VCP: variants seen among roughly 807,000 people sequenced by gnomAD.
VCP encodes valosin containing protein.
Under a neutral mutation model 85.7 loss-of-function variants are expected in VCP, and 6 were observed. That is an observed-to-expected ratio of 0.07 (90% CI 0.04 to 0.14). The LOEUF (loss-of-function observed/expected upper bound fraction) is 0.14, where lower values mean the gene tolerates loss of function less well. Ranked by LOEUF, VCP falls within the 10% of genes least tolerant of loss-of-function variation. VCP has a pLI of 1.00. For synonymous variants in VCP, 384 were observed against 367.1 expected, an observed-to-expected ratio of 1.05 and a Z score of -0.53; for missense variants, 353 against 1,043.4, an observed-to-expected ratio of 0.34 and a Z score of 9.12.
Position 35,058,677 on chromosome 9 carries a change from G to A in VCP, c.2160+387C>T, listed in dbSNP as rs549833961. On this transcript the variant is annotated intron_variant, in intron 15 of 16. Coordinates refer to ENST00000358901, the MANE Select transcript of VCP (RefSeq NM_007126.5). ...AGCTACTCGGGAGGCTGAGGCAGGA[G>A]AATCGCTTGAACCTGGGAGGCAGAA... 2.4e-3 allele frequency among the ~76,000 whole-genome samples: 365 copies of A among 152,298 alleles called. 2 individuals are homozygous for A. The highest frequency in any genetic ancestry group is 0.017 in the Middle Eastern group (5 of 294).
Position 35,068,105 on chromosome 9 carries a change from G to A in VCP, c.130-42C>T, listed in dbSNP as rs183916253. The A allele has an allele frequency of 2.3e-3, 3,742 of 1,613,674 alleles. 6 individuals carry two copies. Among genetic ancestry groups the A allele is most frequent in the Admixed American group, 2.9e-3 (173 of 60,018 alleles). On this transcript the variant is annotated intron_variant, in intron 2 of 16. Transcript: ENST00000358901. ...AAGGCCTTTGGGTCATTGGGCTGAC[G>A]GGGAGTAAGCAGCAGCCCTGGAGAT...
Position 35,059,844 on chromosome 9 carries a change from T to C in VCP, c.1696-43A>G. ...TGATTCAAGCACTAACAAAACTAGA[T>C]GTCTCTAGGCAAACGTGGTGGCTCA... On this transcript the variant is annotated intron_variant, in intron 13 of 16. Coordinates refer to ENST00000358901, the MANE Select transcript of VCP (RefSeq NM_007126.5). This position sits in a 1 kb window ranked among gnomAD's most constrained non-coding sequence, Gnocchi z 4.9. The C allele has an allele frequency of 6.2e-7, 1 of 1,613,350 alleles. No homozygotes were observed. The highest frequency in any genetic ancestry group is 2.2e-5 in the East Asian group (1 of 44,868).
chr9:35,070,603 C>T (rs976660948), intron 1 of VCP, among the ~76,000 whole-genome samples: 49 of 152,176 alleles, frequency 3.2e-4, no homozygotes, highest in African/African-American at 1.1e-3. Flanking sequence ...TGCCTGGCTA[C>T]TTTTTGCATT....
At chr9:35,062,779 G>A (rs886497815) in intron 7 of VCP, among the ~76,000 whole-genome samples, 199 bp downstream of exon 7, 2 of 152,124 alleles carry the variant, frequency 1.3e-5, no homozygotes, top group South Asian at 2.1e-4. Flanking sequence ...CTTTCTCAAA[G>A]GGGGCAGGAC....
At position 35,059,259 on chromosome 9, in the gene VCP, C is replaced by T. The variant is rs181936358; in HGVS notation, c.2005-40G>A. 6.8e-6 allele frequency: 11 copies of T among 1,613,156 alleles called. No homozygotes were observed. In the Admixed American group the frequency reaches 1.8e-4, roughly 27 times the overall value. ...AGAGGTACCTTAGCATTTAGCCTCT[C>T]CTCTCGAGATACGCAGATCTTTGGG... On this transcript the variant is annotated intron_variant, in intron 14 of 16. Coordinates refer to ENST00000358901, the MANE Select transcript of VCP (RefSeq NM_007126.5). The surrounding 1 kb of genome is among the most constrained non-coding windows in gnomAD (Gnocchi z 4.9).
chr9:35,065,442 T>C, intron 4 of VCP, 61 bp from the exon 5 acceptor site: 1 of 1,610,354 alleles, frequency 6.2e-7, no homozygotes, highest in South Asian at 1.1e-5. Context: ...AAGTGAGAAC[T>C]CATCAGACCC....
At position 35,057,387 on chromosome 9, in the gene VCP, A is replaced by G; in HGVS notation, c.2304T>C (p.Phe768=). The part of the protein sequence containing the change: ...FAQTLQQSRG[F]GSFRFPSGNQ... ...CCCAACCAACTTACCTGAAGCTGCC[A>G]AAGCCCCGACTCTGCTGAAGGGTCT... Residue 768 remains phenylalanine, a synonymous_variant, in exon 16 of 17, where the codon TTT becomes TTC. Transcript: ENST00000358901. 1.2e-6 allele frequency: 2 copies of G among 1,614,284 alleles called. No homozygotes were observed. Among genetic ancestry groups the G allele is most frequent in the Non-Finnish European group, 1.7e-6 (2 of 1,180,046 alleles).
At chr9:35,065,436 G>A in intron 4 of VCP, 55 bp from the exon 5 acceptor site, 1 of 1,611,884 alleles carries the variant, frequency 6.2e-7, no homozygotes, top group Non-Finnish European at 8.5e-7. Flanking sequence ...AAGACAAAGT[G>A]AGAACTCATC....
In VCP at chr9:35,057,086, G is replaced by A. The variant is rs1330549517; in HGVS notation, c.*31C>T. The A allele has an allele frequency of 6.2e-7, 1 of 1,611,282 alleles. No homozygotes were observed. Among genetic ancestry groups the A allele is most frequent in the East Asian group, 2.2e-5 (1 of 44,860 alleles). On this transcript the variant is annotated 3_prime_UTR_variant, in exon 17 of 17. Coordinates refer to ENST00000358901, the MANE Select transcript of VCP (RefSeq NM_007126.5). ...ACCCCCAGGGAACAAGGTCCAGGCAGGCCAGCTCACTGCACGCTGGCCACC... is the reference window on the plus strand; with the variant it reads ...ACCCCCAGGGAACAAGGTCCAGGCAAGCCAGCTCACTGCACGCTGGCCACC...
In VCP at chr9:35,059,840, T is replaced by C; in HGVS notation, c.1696-39A>G. The C allele has an allele frequency of 3.1e-6, 5 of 1,613,340 alleles. No individual in the cohort carries two copies. The highest frequency in any genetic ancestry group is 4.2e-6 in the Non-Finnish European group (5 of 1,179,474). On this transcript the variant is annotated intron_variant, in intron 13 of 16. Coordinates refer to ENST00000358901, the MANE Select transcript of VCP (RefSeq NM_007126.5). The surrounding 1 kb of genome is among the most constrained non-coding windows in gnomAD (Gnocchi z 4.9). ...GGATTGATTCAAGCACTAACAAAAC[T>C]AGATGTCTCTAGGCAAACGTGGTGG... is the stretch of plus-strand genomic sequence containing the variant.
chr9:35,060,037 T>A, intron 13 of VCP: 1 of 664,222 alleles, frequency 1.5e-6, no homozygotes, highest in Non-Finnish European at 2.5e-6. Context: ...GAGGCTGAAG[T>A]AGGAGAATTG....
At chr9:35,060,946 G>C (rs1407709242) in intron 11 of VCP, 23 bp from the exon 12 acceptor site, 1 of 1,614,168 alleles carries the variant, frequency 6.2e-7, no homozygotes, top group Non-Finnish European at 8.5e-7. Context: ...GGAAAACTGG[G>C]GATGAGACTT....
At chr9:35,060,969 G>A in intron 11 of VCP, 46 bp from the exon 12 acceptor site, 1 of 1,614,190 alleles carries the variant, frequency 6.2e-7, no homozygotes. Context: ...CAAGGGAGGG[G>A]TCAAAGCACG....
In VCP at chr9:35,072,463, C is replaced by T. The variant is rs1198974613; in HGVS notation, c.-110G>A. The T allele has an allele frequency of 7.6e-7, 1 of 1,323,174 alleles. No homozygotes were observed. Among genetic ancestry groups the T allele is most frequent in the Non-Finnish European group, 9.7e-7 (1 of 1,026,382 alleles). 82.0% of individuals were successfully genotyped at this position (1,323,174 alleles called of 1,614,324 possible). A position where few individuals can be genotyped will look rare whatever the true frequency, so the allele number is the denominator to read the frequency against. On this transcript the variant is annotated 5_prime_UTR_variant, in exon 1 of 17. Coordinates refer to ENST00000358901, the MANE Select transcript of VCP (RefSeq NM_007126.5). ...TCGGCTCTTCCAGGCGGTGGGCGAG[C>T]AGCGGCGACAAACCCGCAAGCGGCT...
intron 3 of VCP, among the ~76,000 whole-genome samples, chr9:35,067,172 A>G (rs1828850302): frequency 2.0e-5 from 3 of 152,210 alleles, no homozygotes; most frequent in Non-Finnish European, 4.4e-5. Flanking sequence ...GAAGTGAAAA[A>G]AACAAAATTA....
chr9:35,069,227 A>G (rs1458332015), intron 1 of VCP, among the ~76,000 whole-genome samples: 3 of 152,230 alleles, frequency 2.0e-5, no homozygotes, highest in African/African-American at 7.2e-5. Context: ...AATATCTGCA[A>G]AAGTACACAA....
At position 35,060,574 on chromosome 9, in the gene VCP, G is replaced by A. The variant is rs377559914; in HGVS notation, c.1483-49C>T. 141 of 1,589,898 alleles carry A rather than the reference G, an allele frequency of 8.9e-5. No individual in the cohort carries two copies. In the East Asian group the frequency reaches 1.7e-3, roughly 19 times the overall value. The stretch of plus-strand genomic sequence containing the variant: ...TCAAGGCTACCTCCACATTTTGAAA[G>A]AAACCTAACTAAACAGAAGCATCCC... On this transcript the variant is annotated intron_variant, in intron 12 of 16. Transcript: ENST00000358901.
chr9:35,064,311 G>C, intron 5 of VCP, 26 bp from the exon 6 acceptor site: 2 of 1,613,164 alleles, frequency 1.2e-6, no homozygotes, highest in East Asian at 2.2e-5. Context: ...ATAAAGAAAG[G>C]AGAAGGCAAG....
chr9:35,062,467 C>A, intron 7 of VCP, 117 bp from the exon 8 acceptor site: 1 of 1,494,082 alleles, frequency 6.7e-7, no homozygotes, highest in Non-Finnish European at 9.1e-7. Context: ...AAGGTGGTAA[C>A]CTCTGCCTAC....
Sources: gnomAD v4.1 joint callset for allele counts (sites outside exome capture counted in the v4.1 genomes callset) on GRCh38, gnomAD v4.1.1 for gene constraint, Gnocchi (gnomAD v3.1) non-coding constraint, MANE v1.5 for transcripts, NCBI Gene and HGNC (gene_info 2026-07-23, HGNC 2026-07-21) for gene names.